The following COMMD1 variants were observed in gnomAD, a reference collection of about 807,000 sequenced individuals.
COMMD1 encodes the protein copper metabolism domain containing 1.
Under a neutral mutation model 17.2 loss-of-function variants are expected in COMMD1, and 10 were observed. The ratio of observed to expected loss-of-function variants is 0.58; its 90% CI spans 0.36 to 0.99. The LOEUF (loss-of-function observed/expected upper bound fraction) is 0.99, where lower values mean the gene tolerates loss of function less well. COMMD1 is among the 50% of genes least tolerant of loss of function. COMMD1 has a pLI of 0.01. For synonymous variants in COMMD1, 97 were observed against 91.6 expected, an observed-to-expected ratio of 1.06 and a Z score of -0.34; for missense variants, 270 against 231.8, an observed-to-expected ratio of 1.17 and a Z score of -1.07.
At chr2:61,892,878 T>A (rs573631150) in intron 1 of COMMD1, among the ~76,000 whole-genome samples, 1 of 151,468 alleles carries the variant, frequency 6.6e-6, no homozygotes, top group Non-Finnish European at 1.5e-5. Context: ...TCTTTTTTTT[T>A]CCCCCCTGAA....
intron 2 of COMMD1, among the ~76,000 whole-genome samples, chr2:62,045,996 C>G (rs1389988859): frequency 1.3e-5 from 2 of 152,144 alleles, no homozygotes; most frequent in Non-Finnish European, 2.9e-5. Context: ...CTTGGCCTCC[C>G]AAAGTGCTGG....
In COMMD1 at chr2:62,101,097, T is replaced by TAA. The variant is rs60837521; in HGVS notation, c.463-34721_463-34720dup. Among the ~76,000 whole-genome samples, 887 of 146,332 alleles carry TAA rather than the reference T, an allele frequency of 6.1e-3. 6 individuals are homozygous for TAA. Among genetic ancestry groups the TAA allele is most frequent in the South Asian group, 0.017 (76 of 4,574 alleles). ...CTTAGATAGGAATTTGGGCAAGATT[T>TAA]AAAAAAAAAAAAAATGAGAGCTTAG... On this transcript the variant is annotated intron_variant, in intron 2 of 2. Transcript: ENST00000311832.
chr2:62,085,998 C>G (rs919861227), intron 2 of COMMD1, among the ~76,000 whole-genome samples: 1 of 148,654 alleles, frequency 6.7e-6, no homozygotes, highest in Non-Finnish European at 1.5e-5. Flanking sequence ...AAAACAAAAA[C>G]AAAAAAATTT....
chr2:62,045,774 G>A (rs1465609602), intron 2 of COMMD1, among the ~76,000 whole-genome samples: 2 of 114,706 alleles, frequency 1.7e-5, no homozygotes, highest in African/African-American at 3.5e-5. Flanking sequence ...GTCTTGCTCT[G>A]TCTCCCAGGC....
At position 62,044,005 on chromosome 2, in the gene COMMD1, G is replaced by A. The variant is rs113687994; in HGVS notation, c.462+43023G>A. Among the ~76,000 whole-genome samples, 402 of 152,178 alleles carry A rather than the reference G, an allele frequency of 2.6e-3. 2 individuals carry two copies. Among genetic ancestry groups the A allele is most frequent in the African/African-American group, 9.3e-3 (384 of 41,504 alleles). ...TTTTTAGTGAGGTGGGGGAGAGGGG[G>A]AATCCAAACATTTTCCACACAAAAA... On this transcript the variant is annotated intron_variant, in intron 2 of 2. Transcript: ENST00000311832.
At chr2:61,910,169 G>A (rs1669867567) in intron 1 of COMMD1, among the ~76,000 whole-genome samples, 1 of 151,978 alleles carries the variant, frequency 6.6e-6, no homozygotes, top group South Asian at 2.1e-4. Context: ...GGAATGGTGT[G>A]TTTATTTAAG....
At chr2:61,987,580 G>A (rs1367265088) in intron 1 of COMMD1, among the ~76,000 whole-genome samples, 1 of 152,170 alleles carries the variant, frequency 6.6e-6, no homozygotes, top group East Asian at 1.9e-4. Flanking sequence ...TGAGGGACGG[G>A]TGACACAAGG....
intron 1 of COMMD1, among the ~76,000 whole-genome samples, chr2:61,987,385 A>G (rs575781171): frequency 2.0e-5 from 3 of 152,256 alleles, no homozygotes; most frequent in African/African-American, 4.8e-5. Context: ...TCTAAGTTGT[A>G]TCTGCATTAA....
chr2:61,909,572 G>A (rs1018682434), intron 1 of COMMD1, among the ~76,000 whole-genome samples: 6 of 152,164 alleles, frequency 3.9e-5, no homozygotes, highest in Non-Finnish European at 5.9e-5. Flanking sequence ...AACCAATGTG[G>A]AGTATTGGTG....
intron 2 of COMMD1, among the ~76,000 whole-genome samples, chr2:62,093,712 A>G (rs1264136410): frequency 6.6e-6 from 1 of 152,132 alleles, no homozygotes; most frequent in Non-Finnish European, 1.5e-5. Context: ...GTGCCCAGAA[A>G]CTTTTATGAT....
intron 2 of COMMD1, among the ~76,000 whole-genome samples, chr2:62,017,051 C>G (rs1216513374): frequency 6.6e-6 from 1 of 152,194 alleles, no homozygotes; most frequent in Non-Finnish European, 1.5e-5. Flanking sequence ...TTAAACAGAG[C>G]TCTTATCACC....
At chr2:61,990,883 A>AT (rs1231509282) in intron 1 of COMMD1, among the ~76,000 whole-genome samples, 1 of 87,566 alleles carries the variant, frequency 1.1e-5, no homozygotes, top group African/African-American at 5.9e-5. Context: ...TTTACAAAAA[A>AT]AAAAAAAAAT....
chr2:62,008,414 A>T (rs993043885), intron 2 of COMMD1, among the ~76,000 whole-genome samples: 1 of 152,034 alleles, frequency 6.6e-6, no homozygotes, highest in African/African-American at 2.4e-5. Context: ...ATACCTGTGT[A>T]TGTGTGTAAA....
chr2:62,063,157 C>T (rs1670917868), intron 2 of COMMD1, among the ~76,000 whole-genome samples: 1 of 152,122 alleles, frequency 6.6e-6, no homozygotes, highest in South Asian at 2.1e-4. Flanking sequence ...GCGGAGATTG[C>T]AGTGAGCCGA....
At chr2:61,933,905 A>G (rs1410218420) in intron 1 of COMMD1, among the ~76,000 whole-genome samples, 3 of 152,038 alleles carry the variant, frequency 2.0e-5, no homozygotes, top group Non-Finnish European at 4.4e-5. Context: ...CTGGGATTAC[A>G]GGCATGTGCC....
Position 62,000,793 on chromosome 2 carries a change from T to C in COMMD1, c.273T>C (p.Ala91=). Residue 91 remains alanine (A), a synonymous_variant, in exon 2 of 3, where the codon GCT becomes GCC. Transcript: ENST00000311832. The part of the protein sequence containing the change: ...KKQGGITSDQ[A]AVISKFWKSH... ...AAGGTGGGATCACATCTGACCAAGC[T>C]GCTGTCATTTCCAAATTCTGGAAGA... 1 of 1,614,190 alleles carries C rather than the reference T, an allele frequency of 6.2e-7. No homozygotes were observed. The highest frequency in any genetic ancestry group is 8.5e-7 in the Non-Finnish European group (1 of 1,180,030).
intron 2 of COMMD1, among the ~76,000 whole-genome samples, chr2:62,029,560 C>A (rs1177048719): frequency 1.3e-5 from 2 of 152,068 alleles, no homozygotes; most frequent in African/African-American, 4.8e-5. Context: ...GAAGCAAATT[C>A]CAAAAATTAT....
intron 2 of COMMD1, among the ~76,000 whole-genome samples, chr2:62,093,514 A>G (rs1671903170): frequency 6.6e-6 from 1 of 152,196 alleles, no homozygotes; most frequent in Non-Finnish European, 1.5e-5. Flanking sequence ...ACTTGGGTCA[A>G]ACATAACTCC....
intron 2 of COMMD1, among the ~76,000 whole-genome samples, chr2:62,012,418 A>G (rs1291855080): frequency 6.6e-6 from 1 of 150,448 alleles, no homozygotes; most frequent in Non-Finnish European, 1.5e-5. Flanking sequence ...TCCCAGGTTC[A>G]AGCAATTCCC....
Sources: gnomAD v4.1 joint callset for allele counts (sites outside exome capture counted in the v4.1 genomes callset) on GRCh38, gnomAD v4.1.1 for gene constraint, MANE v1.5 for transcripts, NCBI Gene and HGNC (gene_info 2026-07-23, HGNC 2026-07-21) for gene names.